The following MMP16 variants were observed in gnomAD, a reference collection of about 807,000 sequenced individuals.
MMP16 encodes matrix metallopeptidase 16.
MMP16 carries 12 observed loss-of-function variants against 67.8 expected under a neutral mutation model. That is an observed-to-expected ratio of 0.18 (90% CI 0.11 to 0.29). MMP16 has a LOEUF of 0.29. Among genes scored for constraint, MMP16 ranks in the 10% least tolerant of loss-of-function variants. The pLI, the probability that MMP16 is intolerant of heterozygous loss-of-function variation, is 1.00. For missense variants in MMP16, 475 were observed against 765.7 expected, an observed-to-expected ratio of 0.62 and a Z score of 4.48; for synonymous variants, 249 against 255.9, an observed-to-expected ratio of 0.97 and a Z score of 0.26.
At chr8:88,249,872 A>G (rs1047458781) in intron 1 of MMP16, among the ~76,000 whole-genome samples, 1 of 152,114 alleles carries the variant, frequency 6.6e-6, no homozygotes, top group African/African-American at 2.4e-5. Flanking sequence ...AGAGGGCCCA[A>G]CTGGGAAAGG....
At chr8:88,255,814 T>C (rs774551590) in intron 1 of MMP16, among the ~76,000 whole-genome samples, 13 of 152,192 alleles carry the variant, frequency 8.5e-5, no homozygotes, top group South Asian at 2.1e-4. Context: ...GGGTCTGATT[T>C]TTCCCCCACT....
At chr8:88,197,585 CA>C (rs1809277414) in intron 1 of MMP16, among the ~76,000 whole-genome samples, 1 of 152,076 alleles carries the variant, frequency 6.6e-6, no homozygotes, top group Non-Finnish European at 1.5e-5. Context: ...CGTACTATAG[CA>C]AATACTGGAT....
In MMP16 at chr8:88,327,110, T is replaced by C. The variant is rs775594263; in HGVS notation, c.97A>G (p.Thr33Ala). The change falls in exon 1 of 10, where the codon ACA becomes GCA. Residue 33 changes from threonine (T) to alanine (A), a missense_variant. Transcript: ENST00000286614. ...LQTLLWILCA[T>A]VCGTEQYFNV... is the part of the protein sequence containing the mutation. ...AAATACTGCTCCGTTCCGCAGACTG[T>C]AGCACATAAAATCCAAAGCAAGGTT... 5.0e-6 allele frequency: 8 copies of C among 1,614,014 alleles called. No homozygotes were observed. The highest frequency in any genetic ancestry group is 3.3e-5 in the Admixed American group (2 of 60,018).
chr8:88,305,408 C>G (rs58378440), intron 1 of MMP16, among the ~76,000 whole-genome samples: 10 of 152,072 alleles, frequency 6.6e-5, no homozygotes, highest in Non-Finnish European at 1.3e-4. Context: ...CAAAGATATT[C>G]GGGACTTGAA....
At chr8:88,151,925 G>T (rs1277732969) in intron 4 of MMP16, among the ~76,000 whole-genome samples, 1 of 85,888 alleles carries the variant, frequency 1.2e-5, no homozygotes, top group Non-Finnish European at 2.1e-5. Context: ...GAATCCAGGA[G>T]CTGGTTTTTT....
intron 1 of MMP16, among the ~76,000 whole-genome samples, chr8:88,232,682 T>C (rs1809880546): frequency 6.6e-6 from 1 of 152,160 alleles, no homozygotes; most frequent in African/African-American, 2.4e-5. Context: ...ATACTTCACC[T>C]GGGAACAGAG....
intron 4 of MMP16, among the ~76,000 whole-genome samples, chr8:88,131,843 C>T (rs1586167015): frequency 1.3e-5 from 2 of 151,926 alleles, no homozygotes; most frequent in Admixed American, 1.3e-4. Context: ...GAAACATTTG[C>T]CCCTCTTCTC....
At chr8:88,158,904 A>G (rs1275321504) in intron 4 of MMP16, among the ~76,000 whole-genome samples, 1 of 152,150 alleles carries the variant, frequency 6.6e-6, no homozygotes, top group African/African-American at 2.4e-5. Context: ...TTTTCCCAGC[A>G]CCATTTATTA....
chr8:88,302,737 T>A (rs1811124839), intron 1 of MMP16, among the ~76,000 whole-genome samples: 1 of 152,122 alleles, frequency 6.6e-6, no homozygotes, highest in Non-Finnish European at 1.5e-5. Flanking sequence ...GATGGCCGAT[T>A]AAAAGCAGCG....
intron 1 of MMP16, among the ~76,000 whole-genome samples, chr8:88,298,257 C>T (rs1811042208): frequency 1.3e-5 from 2 of 152,074 alleles, no homozygotes; most frequent in Non-Finnish European, 2.9e-5. Flanking sequence ...CTTCCCTTCC[C>T]CAAACACCCC....
At chr8:88,276,037 C>A (rs551011493) in intron 1 of MMP16, among the ~76,000 whole-genome samples, 1 of 151,958 alleles carries the variant, frequency 6.6e-6, no homozygotes, top group Non-Finnish European at 1.5e-5. Flanking sequence ...TTTTTGAAAT[C>A]CAGTGTACTG....
chr8:88,150,908 A>G (rs1324291277), intron 4 of MMP16, among the ~76,000 whole-genome samples: 1 of 138,906 alleles, frequency 7.2e-6, no homozygotes, highest in Non-Finnish European at 1.5e-5. Flanking sequence ...ATTAAAAGAC[A>G]CAGACTGGCA....
chr8:88,165,691 G>C (rs1177098281), intron 4 of MMP16, among the ~76,000 whole-genome samples: 7 of 152,138 alleles, frequency 4.6e-5, no homozygotes, highest in African/African-American at 1.7e-4. Context: ...CCATGTTCCA[G>C]ATGTTTTATT....
intron 1 of MMP16, among the ~76,000 whole-genome samples, chr8:88,296,153 A>G (rs1160521188): frequency 6.6e-6 from 1 of 152,184 alleles, no homozygotes; most frequent in African/African-American, 2.4e-5. Flanking sequence ...TTATTCAACG[A>G]TTATTCGCCA....
At chr8:88,227,588 C>T (rs1563567888) in intron 1 of MMP16, among the ~76,000 whole-genome samples, 1 of 152,006 alleles carries the variant, frequency 6.6e-6, no homozygotes, top group South Asian at 2.1e-4. Flanking sequence ...ATCCTACCCA[C>T]ATTATGAATC....
intron 4 of MMP16, among the ~76,000 whole-genome samples, chr8:88,125,787 TCA>T (rs969099728): frequency 4.6e-5 from 7 of 151,934 alleles, no homozygotes; most frequent in African/African-American, 1.7e-4. Flanking sequence ...AAGAACATTC[TCA>T]GTTATGTTTC....
chr8:88,205,715 T>C (rs1809415653), intron 1 of MMP16, among the ~76,000 whole-genome samples: 1 of 152,318 alleles, frequency 6.6e-6, no homozygotes, highest in Middle Eastern at 3.4e-3. Flanking sequence ...TCAAGGTTGC[T>C]AGTATCTACA....
chr8:88,286,734 C>T (rs1445529433), intron 1 of MMP16, among the ~76,000 whole-genome samples: 2 of 152,030 alleles, frequency 1.3e-5, no homozygotes, highest in Non-Finnish European at 2.9e-5. Flanking sequence ...CGCCACCATG[C>T]CCGGCTAATT....
In MMP16 at chr8:88,226,917, C is replaced by A. The variant is rs866160999; in HGVS notation, c.133-29611G>T. On this transcript the variant is annotated intron_variant, in intron 1 of 9. Coordinates refer to ENST00000286614, the MANE Select transcript of MMP16 (RefSeq NM_005941.5). ...TTATTTATTTATTTATTTATTCTCT[C>A]GGAAATCATTTTGATTAAAACATTT... Among the ~76,000 whole-genome samples, 21 of 150,558 alleles carry A rather than the reference C, an allele frequency of 1.4e-4. 1 individual carries two copies. The highest frequency in any genetic ancestry group is 3.4e-3 in the Middle Eastern group (1 of 292).
Sources: allele counts gnomAD v4.1 joint callset (sites outside exome capture counted in the v4.1 genomes callset), GRCh38; gene constraint gnomAD v4.1.1; transcripts MANE v1.5; gene names NCBI Gene and HGNC (gene_info 2026-07-23, HGNC 2026-07-21).